Variants in C8orf34 observed in about 807,000 individuals in gnomAD.
C8orf34 encodes uncharacterized protein C8orf34.
C8orf34 carries 65 observed loss-of-function variants against 68.3 expected under a neutral mutation model. The ratio of observed to expected loss-of-function variants is 0.95; its 90% CI spans 0.78 to 1.17. The LOEUF (loss-of-function observed/expected upper bound fraction) is 1.17. Ranked by LOEUF, C8orf34 falls within the 50% of genes most tolerant of loss-of-function variation. C8orf34 has a pLI of 0.00. For synonymous variants in C8orf34, 244 were observed against 241.2 expected, an observed-to-expected ratio of 1.01 and a Z score of -0.11; for missense variants, 664 against 655.4, an observed-to-expected ratio of 1.01 and a Z score of -0.14.
intron 7 of C8orf34, among the ~76,000 whole-genome samples, chr8:68,556,117 A>G (rs1816242156): frequency 6.6e-6 from 1 of 152,144 alleles, no homozygotes; most frequent in Non-Finnish European, 1.5e-5. Context: ...TTTGAAAAAC[A>G]AGTAGCAAAC....
chr8:68,740,872 A>G (rs1822269432), intron 10 of C8orf34, among the ~76,000 whole-genome samples: 1 of 152,204 alleles, frequency 6.6e-6, no homozygotes. Context: ...AATGTGGTAC[A>G]TATACACTAT....
At chr8:68,506,761 A>AT (rs1362491231) in intron 5 of C8orf34, among the ~76,000 whole-genome samples, 1 of 152,200 alleles carries the variant, frequency 6.6e-6, no homozygotes, top group African/African-American at 2.4e-5. Flanking sequence ...ACTTGGAGTC[A>AT]TAAAAATACT....
rs143324336 is a variant in C8orf34 at position 68,601,678 on chromosome 8, A to G, written c.1106-38698A>G. On this transcript the variant is annotated intron_variant, in intron 7 of 13. Transcript: ENST00000518698. ...TTATTGAGTCACTTCTAGGATGGCT[A>G]CTTTAAAATCTTTGTCAGATAACTG... is the stretch of plus-strand genomic sequence containing the variant. 3.6e-3 allele frequency among the ~76,000 whole-genome samples: 541 copies of G among 152,226 alleles called. 5 individuals are homozygous for G. Among genetic ancestry groups the G allele is most frequent in the African/African-American group, 0.012 (519 of 41,552 alleles).
intron 9 of C8orf34, among the ~76,000 whole-genome samples, chr8:68,718,653 C>T (rs547443514): frequency 2.6e-5 from 4 of 152,094 alleles, no homozygotes; most frequent in African/African-American, 7.2e-5. Context: ...GCTCGGGAAG[C>T]GTAAACATTT....
chr8:68,337,206 A>AG (rs1268744787), intron 1 of C8orf34, among the ~76,000 whole-genome samples: 1 of 152,220 alleles, frequency 6.6e-6, no homozygotes, highest in African/African-American at 2.4e-5. Flanking sequence ...TAAATTATAA[A>AG]GGGAAAAAGT....
In C8orf34 at chr8:68,743,130, T is replaced by C. The variant is rs75034980; in HGVS notation, c.1404+21693T>C. Among the ~76,000 whole-genome samples, 1,213 of 152,326 alleles carry C rather than the reference T, an allele frequency of 8.0e-3. 20 individuals are homozygous for C. The highest frequency in any genetic ancestry group is 0.027 in the African/African-American group (1,127 of 41,562). ...TCTCCTATTATTAGGAGGAATAATC[T>C]GGTGGTGACTTGAGGTAGTTAAATT... is the stretch of plus-strand genomic sequence containing the variant. On this transcript the variant is annotated intron_variant, in intron 10 of 13. Coordinates refer to ENST00000518698, the MANE Select transcript of C8orf34 (RefSeq NM_052958.4).
rs1047406965 is a variant in C8orf34, at chr8:68,426,537, A to G, written c.328-12962A>G. On this transcript the variant is annotated intron_variant, in intron 1 of 13. Transcript: ENST00000518698. ...TTGTCTCAAAAAAAAAAAAAAAAAAAAAAAGAAAACAGAAAAAAAGCAAAA... is the reference window on the plus strand; with the variant it reads ...TTGTCTCAAAAAAAAAAAAAAAAAAGAAAAGAAAACAGAAAAAAAGCAAAA... 1.1e-3 allele frequency among the ~76,000 whole-genome samples: 166 copies of G among 150,500 alleles called. 1 individual carries two copies. The highest frequency in any genetic ancestry group is 3.4e-3 in the Middle Eastern group (1 of 292).
Position 68,636,392 on chromosome 8 carries a change from A to G in C8orf34, c.1106-3984A>G, listed in dbSNP as rs116325477. Among the ~76,000 whole-genome samples, 336 of 150,644 alleles carry G rather than the reference A, an allele frequency of 2.2e-3. 2 individuals carry two copies. Among genetic ancestry groups the G allele is most frequent in the African/African-American group, 7.6e-3 (314 of 41,098 alleles). Reference sequence around the variant, plus strand: ...AGATCGAGAACATCCCAGCTAACACAGTGAAACCCTGCCTCTACTAAAAAA... The same window carrying G: ...AGATCGAGAACATCCCAGCTAACACGGTGAAACCCTGCCTCTACTAAAAAA... On this transcript the variant is annotated intron_variant, in intron 7 of 13. Coordinates refer to ENST00000518698, the MANE Select transcript of C8orf34 (RefSeq NM_052958.4).
chr8:68,497,906 G>T (rs766170046), intron 5 of C8orf34, among the ~76,000 whole-genome samples: 1 of 152,170 alleles, frequency 6.6e-6, no homozygotes, highest in East Asian at 1.9e-4. Flanking sequence ...TTGGATCACC[G>T]CAACCTCCGC....
chr8:68,638,848 T>C (rs1818921314), intron 7 of C8orf34, among the ~76,000 whole-genome samples: 1 of 152,100 alleles, frequency 6.6e-6, no homozygotes, highest in Non-Finnish European at 1.5e-5. Context: ...TTTAAAGTTC[T>C]GAAATATGAT....
intron 1 of C8orf34, among the ~76,000 whole-genome samples, chr8:68,434,000 T>C (rs1226430118): frequency 6.6e-6 from 1 of 152,216 alleles, no homozygotes; most frequent in Non-Finnish European, 1.5e-5. Context: ...GTTATTAGAC[T>C]CTTAAATTCC....
intron 7 of C8orf34, among the ~76,000 whole-genome samples, chr8:68,546,369 G>T (rs1418995613): frequency 6.6e-6 from 1 of 151,792 alleles, no homozygotes; most frequent in Non-Finnish European, 1.5e-5. Context: ...GTTAGCAAAA[G>T]AATTATATGC....
At chr8:68,817,578 G>A (rs978243741) in intron 13 of C8orf34, among the ~76,000 whole-genome samples, 2 of 151,998 alleles carry the variant, frequency 1.3e-5, no homozygotes, top group Admixed American at 6.6e-5. Context: ...TCTAATTGGC[G>A]AATCAAAAAT....
chr8:68,505,414 T>C (rs71517203), intron 5 of C8orf34, among the ~76,000 whole-genome samples: 3 of 152,274 alleles, frequency 2.0e-5, no homozygotes, highest in African/African-American at 7.2e-5. Flanking sequence ...CTCTTTTGAT[T>C]GCTTTCATTT....
intron 12 of C8orf34, among the ~76,000 whole-genome samples, chr8:68,794,506 T>TATACATA (rs58048066): frequency 1.7e-5 from 1 of 59,046 alleles, no homozygotes; most frequent in South Asian, 5.4e-4. Flanking sequence ...TATATATATA[T>TATACATA]TTTTTTTTTT....
intron 13 of C8orf34, among the ~76,000 whole-genome samples, 160 bp downstream of exon 13, chr8:68,816,105 AGTGT>A (rs71554629): frequency 0.016 from 2,356 of 144,578 alleles, 45 homozygotes; most frequent in South Asian, 0.019. Flanking sequence ...ATTTCCTAAG[AGTGT>A]GTGTGTGTGT....
rs560943948 is a variant in C8orf34, at chr8:68,673,322, T to C, written c.1241+32811T>C. On this transcript the variant is annotated intron_variant, in intron 8 of 13. Coordinates refer to ENST00000518698, the MANE Select transcript of C8orf34 (RefSeq NM_052958.4). Reference sequence around the variant, plus strand: ...TAATTGTGGACCCCAAGTAGACCCCTAAGTGGACTCTTGGGGTCCACAATT... The same window carrying C: ...TAATTGTGGACCCCAAGTAGACCCCCAAGTGGACTCTTGGGGTCCACAATT... 2.0e-5 allele frequency among the ~76,000 whole-genome samples: 3 copies of C among 151,830 alleles called. No individual in the cohort carries two copies. In the South Asian group the frequency reaches 6.3e-4, roughly 32 times the overall value.
At chr8:68,461,022 G>C (rs982785525) in intron 3 of C8orf34, among the ~76,000 whole-genome samples, 5 of 152,146 alleles carry the variant, frequency 3.3e-5, no homozygotes, top group African/African-American at 1.2e-4. Flanking sequence ...CAAACCAAAG[G>C]CAAAGAACTT....
At chr8:68,611,051 G>A (rs1818008149) in intron 7 of C8orf34, among the ~76,000 whole-genome samples, 1 of 151,958 alleles carries the variant, frequency 6.6e-6, no homozygotes, top group South Asian at 2.1e-4. Flanking sequence ...ATTTTTAGTA[G>A]AGACAGGGTT....
Sources: allele counts gnomAD v4.1 joint callset (sites outside exome capture counted in the v4.1 genomes callset), GRCh38; gene constraint gnomAD v4.1.1; transcripts MANE v1.5; gene names NCBI Gene and HGNC (gene_info 2026-07-23, HGNC 2026-07-21).